MAML3: variants seen among roughly 807,000 people sequenced by gnomAD.
The protein encoded by MAML3 is mastermind-like protein 3.
Under a neutral mutation model 101.9 loss-of-function variants are expected in MAML3, and 27 were observed. The observed-to-expected ratio is 0.27, with a 90% CI of 0.20 to 0.37. The LOEUF (loss-of-function observed/expected upper bound fraction) is 0.37, where lower values mean the gene tolerates loss of function less well. Ranked by LOEUF, MAML3 falls within the 10% of genes least tolerant of loss-of-function variation. The pLI is 1.00. For synonymous variants in MAML3, 501 were observed against 555.9 expected (o/e 0.90, Z 1.39); for missense variants, 1,316 against 1,444.9 (o/e 0.91, Z 1.45).
intron 2 of MAML3, among the ~76,000 whole-genome samples, chr4:139,863,150 CA>C (rs34108210): frequency 3.6e-4 from 41 of 114,134 alleles, no homozygotes; most frequent in South Asian, 3.5e-3. Context: ...ACTCTGTCTC[CA>C]AAAAAAAAAA....
intron 2 of MAML3, among the ~76,000 whole-genome samples, chr4:139,807,960 T>C (rs1023717414): frequency 2.6e-5 from 4 of 152,228 alleles, no homozygotes; most frequent in Non-Finnish European, 4.4e-5. Flanking sequence ...CACTGATTCA[T>C]AGCCAGGGCT....
At chr4:140,004,642 A>C (rs1353552863) in intron 1 of MAML3, among the ~76,000 whole-genome samples, 3 of 152,140 alleles carry the variant, frequency 2.0e-5, no homozygotes, top group African/African-American at 4.8e-5. Flanking sequence ...TACCCACCGC[A>C]GACAAAGAAC....
chr4:139,950,126 C>T (rs748036274), intron 1 of MAML3, among the ~76,000 whole-genome samples: 4 of 152,114 alleles, frequency 2.6e-5, no homozygotes, highest in Non-Finnish European at 4.4e-5. Flanking sequence ...CTGCAACCTC[C>T]GCCTCCCAGG....
intron 1 of MAML3, among the ~76,000 whole-genome samples, chr4:140,104,395 T>TATATAATATATAA (rs1491536300): frequency 6.4e-5 from 2 of 31,074 alleles, no homozygotes; most frequent in African/African-American, 7.8e-5. Context: ...ATATTATATA[T>TATATAATATATAA]TATATAATAT....
At chr4:140,052,337 C>T (rs1727282014) in intron 1 of MAML3, among the ~76,000 whole-genome samples, 1 of 152,058 alleles carries the variant, frequency 6.6e-6, no homozygotes, top group South Asian at 2.1e-4. Flanking sequence ...ATTAATAGCA[C>T]AACAGTGACA....
intron 2 of MAML3, among the ~76,000 whole-genome samples, chr4:139,835,495 A>C (rs1479014407): frequency 6.6e-6 from 1 of 152,266 alleles, no homozygotes; most frequent in Non-Finnish European, 1.5e-5. Context: ...ACTAGTCCAT[A>C]ACTGAGGTTA....
intron 1 of MAML3, among the ~76,000 whole-genome samples, chr4:140,140,694 T>C (rs1728966042): frequency 6.6e-6 from 1 of 152,236 alleles, no homozygotes; most frequent in Admixed American, 6.5e-5. Flanking sequence ...ATATAAAGTT[T>C]AGGCGCCGAA....
chr4:139,742,149 CTTTT>C (rs67056013), intron 2 of MAML3, among the ~76,000 whole-genome samples: 6 of 113,682 alleles, frequency 5.3e-5, no homozygotes, highest in Admixed American at 9.0e-5. Context: ...CTTTTCTTTT[CTTTT>C]TTTTTTTTTT....
chr4:140,031,506 C>A (rs1014683262), intron 1 of MAML3, among the ~76,000 whole-genome samples: 6 of 152,156 alleles, frequency 3.9e-5, no homozygotes, highest in South Asian at 2.1e-4. Context: ...AGACAACAAA[C>A]CCTATGAGCC....
chr4:140,130,421 A>C lies in MAML3; in HGVS notation c.468+22439T>G, dbSNP rs181764077. On this transcript the variant is annotated intron_variant, in intron 1 of 4. Transcript: ENST00000509479. ...GTGGTACAGTATTATGTTGTATGAGATAGTCTCCTAGGAAGAAATTGAGAG... is the reference window on the plus strand; with the variant it reads ...GTGGTACAGTATTATGTTGTATGAGCTAGTCTCCTAGGAAGAAATTGAGAG... 3.9e-5 allele frequency among the ~76,000 whole-genome samples: 6 copies of C among 152,338 alleles called. No individual in the cohort carries two copies. In the East Asian group the frequency reaches 1.2e-3, roughly 29 times the overall value.
chr4:139,905,853 T>G (rs1189320323), intron 1 of MAML3, among the ~76,000 whole-genome samples: 1 of 152,160 alleles, frequency 6.6e-6, no homozygotes, highest in African/African-American at 2.4e-5. Context: ...ATGCCCTCAT[T>G]TTAACTTAAA....
chr4:139,814,154 T>A (rs999283596), intron 2 of MAML3, among the ~76,000 whole-genome samples: 1 of 152,010 alleles, frequency 6.6e-6, no homozygotes, highest in Non-Finnish European at 1.5e-5. Flanking sequence ...TGTGGGTAGG[T>A]CTCCCTGTTC....
Position 140,044,210 on chromosome 4 carries a change from C to T in MAML3, c.468+108650G>A, listed in dbSNP as rs532746458. ...CGTTTTAAAAGCAGAAAACTGTTAA[C>T]ATTGGAGATATATTGTCAAAATACA... On this transcript the variant is annotated intron_variant, in intron 1 of 4. Coordinates refer to ENST00000509479, the MANE Select transcript of MAML3 (RefSeq NM_018717.5). Among the ~76,000 whole-genome samples the T allele has an allele frequency of 9.9e-5, 15 of 151,830 alleles. No individual in the cohort carries two copies. The South Asian group carries it at 2.9e-3, about 30-fold the overall frequency.
intron 2 of MAML3, among the ~76,000 whole-genome samples, chr4:139,749,784 G>A (rs1221289422): frequency 6.6e-6 from 1 of 152,044 alleles, no homozygotes; most frequent in East Asian, 1.9e-4. Context: ...ATAATACAGA[G>A]TTTTGAGCAA....
intron 1 of MAML3, among the ~76,000 whole-genome samples, chr4:139,996,686 CGTGTGT>C (rs1553968137): frequency 2.7e-5 from 4 of 150,904 alleles, no homozygotes; most frequent in South Asian, 2.1e-4. Flanking sequence ...ATAGTTGTAT[CGTGTGT>C]GTGTGTGTGT....
intron 2 of MAML3, among the ~76,000 whole-genome samples, chr4:139,833,261 G>C (rs1201954362): frequency 6.8e-6 from 1 of 147,850 alleles, no homozygotes; most frequent in South Asian, 2.1e-4. Flanking sequence ...GAGAAAGACA[G>C]GGGGAGGGGG....
chr4:139,810,361 T>A (rs913067194), intron 2 of MAML3, among the ~76,000 whole-genome samples: 14 of 152,090 alleles, frequency 9.2e-5, no homozygotes, highest in African/African-American at 2.7e-4. Flanking sequence ...CAGCTAATTT[T>A]AAAATTTTTT....
intron 1 of MAML3, among the ~76,000 whole-genome samples, chr4:140,104,668 T>A (rs534448556): frequency 6.6e-6 from 1 of 150,578 alleles, no homozygotes; most frequent in East Asian, 2.0e-4. Context: ...AATTTTTGTG[T>A]TTTTTGTGGA....
At chr4:139,933,486 G>C (rs963352834) in intron 1 of MAML3, among the ~76,000 whole-genome samples, 1 of 152,204 alleles carries the variant, frequency 6.6e-6, no homozygotes, top group Non-Finnish European at 1.5e-5. Context: ...CATTTTACAC[G>C]GAAAAGCCTC....
Sources: allele counts gnomAD v4.1 joint callset (sites outside exome capture counted in the v4.1 genomes callset), GRCh38; gene constraint gnomAD v4.1.1; transcripts MANE v1.5; gene names NCBI Gene and HGNC (gene_info 2026-07-23, HGNC 2026-07-21).